Variants in ASB18 observed in about 807,000 individuals in gnomAD.
ASB18 encodes the protein ankyrin repeat and SOCS box containing 18.
Under a neutral mutation model 33.4 loss-of-function variants are expected in ASB18, and 33 were observed. The observed-to-expected ratio is 0.99, with a 90% confidence interval of 0.75 to 1.32. ASB18 has a LOEUF of 1.32. Ranked by LOEUF, ASB18 falls within the 40% of genes most tolerant of loss-of-function variation. ASB18 has a pLI of 0.00. For synonymous variants in ASB18, 295 were observed against 307.6 expected (o/e 0.96, Z 0.43); for missense variants, 694 against 655.5 (o/e 1.06, Z -0.64).
intron 4 of ASB18, chr2:236,210,229 A>G (rs75864383): frequency 7.9e-5 from 12 of 152,382 alleles, no homozygotes; most frequent in African/African-American, 2.9e-4. Context: ...GAATGAATAC[A>G]TAAGTACTAA....
Position 236,216,876 on chromosome 2 carries a change from T to C in ASB18, c.597-2010A>G, listed in dbSNP as rs1013268636. Among the ~76,000 whole-genome samples, 3 of 152,070 alleles carry C rather than the reference T, an allele frequency of 2.0e-5. No homozygotes were observed. The highest frequency in any genetic ancestry group is 7.2e-5 in the African/African-American group (3 of 41,414). Reference sequence around the variant, plus strand: ...CGGGTTCACCTCCTGAGGCGCCGCCTCTCCATGCTTCAATTCTGCCTGACC... The same window carrying C: ...CGGGTTCACCTCCTGAGGCGCCGCCCCTCCATGCTTCAATTCTGCCTGACC... On this transcript the variant is annotated intron_variant, in intron 3 of 5. Transcript: ENST00000409749. The surrounding 1 kb of genome is among the most constrained non-coding windows in gnomAD (Gnocchi z 6.1).
rs148040196 is a variant in ASB18 at position 236,194,068 on chromosome 2, T to TATGAATGAATGA, written c.*792_*803dup. Among the ~76,000 whole-genome samples, 2,466 of 151,822 alleles carry TATGAATGAATGA rather than the reference T, an allele frequency of 0.016. 72 individuals are homozygous for TATGAATGAATGA. Among genetic ancestry groups the TATGAATGAATGA allele is most frequent in the African/African-American group, 0.057 (2,360 of 41,152 alleles). ...CTGAACTAGAATAAGCACATTAGAA[T>TATGAATGAATGA]ATGAATGAATGAATGAATGAATGAA... On this transcript the variant is annotated 3_prime_UTR_variant, in exon 6 of 6. Coordinates refer to ENST00000409749, the MANE Select transcript of ASB18 (RefSeq NM_212556.4). The surrounding 1 kb of genome is among the most constrained non-coding windows in gnomAD (Gnocchi z 4.5).
intron 1 of ASB18, among the ~76,000 whole-genome samples, chr2:236,242,198 G>A (rs534229115): frequency 1.6e-4 from 24 of 152,252 alleles, no homozygotes; most frequent in Middle Eastern, 3.4e-3. Context: ...ACCCATGTGC[G>A]TCTGTCTCAA....
At chr2:236,230,100 T>G (rs1042054202) in intron 3 of ASB18, among the ~76,000 whole-genome samples, 1 of 152,046 alleles carries the variant, frequency 6.6e-6, no homozygotes, top group Non-Finnish European at 1.5e-5. Flanking sequence ...TTGTTATAAC[T>G]ATATTCCACC....
rs2106289028 is a variant in ASB18 at position 236,263,467 on chromosome 2, TGTG to T, written c.205+671_205+673del. Among the ~76,000 whole-genome samples the T allele has an allele frequency of 6.6e-6, 1 of 152,360 alleles. No homozygotes were observed. The highest frequency in any genetic ancestry group is 1.5e-5 in the Non-Finnish European group (1 of 68,042). The stretch of plus-strand genomic sequence containing the variant: ...TACCAGTGATGCTCCTTGGTGAGGT[TGTG>T]GTGAAACACATCACCTCACTGTCAG... On this transcript the variant is annotated intron_variant, in intron 1 of 5. Coordinates refer to ENST00000409749, the MANE Select transcript of ASB18 (RefSeq NM_212556.4). The surrounding 1 kb of genome is among the most constrained non-coding windows in gnomAD (Gnocchi z 4.0).
chr2:236,218,490 A>G (rs1480679535), intron 3 of ASB18, among the ~76,000 whole-genome samples: 2 of 152,242 alleles, frequency 1.3e-5, no homozygotes, highest in African/African-American at 4.8e-5. Flanking sequence ...AAATATATCT[A>G]TGCGTATATG....
At position 236,226,709 on chromosome 2, in the gene ASB18, T is replaced by C. The variant is rs2060541651; in HGVS notation, c.596+10980A>G. On this transcript the variant is annotated intron_variant, in intron 3 of 5. Transcript: ENST00000409749. This position sits in a 1 kb window ranked among gnomAD's most constrained non-coding sequence, Gnocchi z 4.8. ...TGCAATGATTCACAGCATTTTGTGT[T>C]TATTTTGTGCTATGATTGGGTGCTG... 6.6e-6 allele frequency among the ~76,000 whole-genome samples: 1 copy of C among 152,224 alleles called. No homozygotes were observed. Among genetic ancestry groups the C allele is most frequent in the Non-Finnish European group, 1.5e-5 (1 of 68,034 alleles).
Position 236,223,988 on chromosome 2 carries a change from G to A in ASB18, c.597-9122C>T, listed in dbSNP as rs1370668849. Among the ~76,000 whole-genome samples the A allele has an allele frequency of 2.6e-5, 4 of 151,984 alleles. No homozygotes were observed. The highest frequency in any genetic ancestry group is 2.1e-4 in the South Asian group (1 of 4,814). On this transcript the variant is annotated intron_variant, in intron 3 of 5. Transcript: ENST00000409749. The surrounding 1 kb of genome is among the most constrained non-coding windows in gnomAD (Gnocchi z 4.6). ...TATTATAAATAAAGCTTCTATGAAC[G>A]TTTTTGTATAAGTCTTCCTGGGGAC...
rs755303186 is a variant in ASB18, at chr2:236,259,964, T to C, written c.205+4177A>G. Among the ~76,000 whole-genome samples, 1 of 152,210 alleles carries C rather than the reference T, an allele frequency of 6.6e-6. No individual in the cohort carries two copies. Among genetic ancestry groups the C allele is most frequent in the African/African-American group, 2.4e-5 (1 of 41,460 alleles). ...CCTTTCCACCATTGGATGCCACTTT[T>C]TCTCTATGCTTTTTTTTGGTGATGT... On this transcript the variant is annotated intron_variant, in intron 1 of 5. Coordinates refer to ENST00000409749, the MANE Select transcript of ASB18 (RefSeq NM_212556.4). This position sits in a 1 kb window ranked among gnomAD's most constrained non-coding sequence, Gnocchi z 4.4.
chr2:236,194,744 G>A lies in ASB18; in HGVS notation c.*128C>T, dbSNP rs957082570. On this transcript the variant is annotated 3_prime_UTR_variant, in exon 6 of 6. Transcript: ENST00000409749. This position sits in a 1 kb window ranked among gnomAD's most constrained non-coding sequence, Gnocchi z 4.5. The stretch of plus-strand genomic sequence containing the variant: ...GCTTGGCAAGGTCTGTGCTTCACCC[G>A]GTCCCACGGAGAGCAAGTGGGAAGG... 7.7e-6 allele frequency: 6 copies of A among 775,718 alleles called. No homozygotes were observed. The highest frequency in any genetic ancestry group is 6.5e-5 in the South Asian group (3 of 46,318). The allele number at this position is 775,718 out of a possible 1,614,324, so 48.1% of individuals were successfully genotyped here.
chr2:236,202,528 A>G (rs976387067), intron 4 of ASB18, among the ~76,000 whole-genome samples: 2 of 151,984 alleles, frequency 1.3e-5, no homozygotes, highest in African/African-American at 4.8e-5. Flanking sequence ...ATAAAAAAAA[A>G]TATCAACCTA....
At position 236,200,751 on chromosome 2, in the gene ASB18, C is replaced by A. The variant is rs2060396940; in HGVS notation, c.1102-4366G>T. Among the ~76,000 whole-genome samples the A allele has an allele frequency of 6.6e-6, 1 of 152,152 alleles. No homozygotes were observed. Among genetic ancestry groups the A allele is most frequent in the African/African-American group, 2.4e-5 (1 of 41,454 alleles). ...CTTCACTCTATCGATGAATAAGCAC[C>A]CTTTTCTCATTTGAAATTCACTGTA... On this transcript the variant is annotated intron_variant, in intron 4 of 5. Transcript: ENST00000409749. The surrounding 1 kb of genome is among the most constrained non-coding windows in gnomAD (Gnocchi z 4.2).
rs2060500088 is a variant in ASB18 at position 236,219,035 on chromosome 2, A to G, written c.597-4169T>C. ...TAGCCGAGTGCCCCCATGCTTGGCT[A>G]ATTTTTTTTTGTTTTATTTTTGTAT... On this transcript the variant is annotated intron_variant, in intron 3 of 5. Transcript: ENST00000409749. This position sits in a 1 kb window ranked among gnomAD's most constrained non-coding sequence, Gnocchi z 6.4. Among the ~76,000 whole-genome samples the G allele has an allele frequency of 6.6e-6, 1 of 151,452 alleles. No homozygotes were observed.
At position 236,237,864 on chromosome 2, in the gene ASB18, C is replaced by G. The variant is rs986497503; in HGVS notation, c.421G>C (p.Gly141Arg). Residue 141 changes from glycine to arginine, a missense_variant, in exon 3 of 6, where the codon GGC becomes CGC. Coordinates refer to ENST00000409749, the MANE Select transcript of ASB18 (RefSeq NM_212556.4). The surrounding 1 kb of genome is among the most constrained non-coding windows in gnomAD (Gnocchi z 6.2). ...GHTACVRHLL[G>R]RGADPDASPG... ...CTGGCGTCTGGGTCTGCGCCGCGGC[C>G]GAGCAGGTGTCGCACGCAGGCGGTG... 2.0e-6 allele frequency: 3 copies of G among 1,468,322 alleles called. No homozygotes were observed. Among genetic ancestry groups the G allele is most frequent in the Admixed American group, 5.0e-5 (2 of 39,866 alleles). The allele number at this position is 1,468,322 out of a possible 1,614,324, so 91.0% of individuals were successfully genotyped here.
rs1157184692 is a variant in ASB18 at position 236,194,106 on chromosome 2, T to A, written c.*766A>T. On this transcript the variant is annotated 3_prime_UTR_variant, in exon 6 of 6. Coordinates refer to ENST00000409749, the MANE Select transcript of ASB18 (RefSeq NM_212556.4). This position sits in a 1 kb window ranked among gnomAD's most constrained non-coding sequence, Gnocchi z 4.5. Reference sequence around the variant, plus strand: ...ATGAATGAATGAATACAAATTATTGTAAAGTAAAAATTCATAAGGCATACA... The same window carrying A: ...ATGAATGAATGAATACAAATTATTGAAAAGTAAAAATTCATAAGGCATACA... Among the ~76,000 whole-genome samples, 2 of 149,720 alleles carry A rather than the reference T, an allele frequency of 1.3e-5. No individual in the cohort carries two copies. The highest frequency in any genetic ancestry group is 6.6e-5 in the Admixed American group (1 of 15,186).
Position 236,237,986 on chromosome 2 carries a change from A to G in ASB18, c.329-30T>C, listed in dbSNP as rs754932628. ...GGGGAGGGAGGTGGGATGTAAGGTC[A>G]GGGGGAGGTTAGTTGTGGTGGTGGT... On this transcript the variant is annotated intron_variant, in intron 2 of 5. Coordinates refer to ENST00000409749, the MANE Select transcript of ASB18 (RefSeq NM_212556.4). This position sits in a 1 kb window ranked among gnomAD's most constrained non-coding sequence, Gnocchi z 6.2. 3.5e-5 allele frequency: 51 copies of G among 1,455,092 alleles called. No homozygotes were observed. The South Asian group carries it at 6.8e-4, about 19-fold the overall frequency. 90.1% of individuals were successfully genotyped at this position (1,455,092 alleles called of 1,614,324 possible).
rs113291592 is a variant in ASB18 at position 236,247,280 on chromosome 2, AAAAC to A, written c.206-5882_206-5879del. The stretch of plus-strand genomic sequence containing the variant: ...ATAGCCACATGTTGATGATTACATT[AAAAC>A]AAACAAACCTGAAAACCAACTCATT... On this transcript the variant is annotated intron_variant, in intron 1 of 5. Coordinates refer to ENST00000409749, the MANE Select transcript of ASB18 (RefSeq NM_212556.4). The A allele has an allele frequency of 2.0e-5, 3 of 150,788 alleles. No homozygotes were observed. In the South Asian group the frequency reaches 6.3e-4, roughly 32 times the overall value. 9.3% of individuals were successfully genotyped at this position (150,788 alleles called of 1,614,324 possible).
chr2:236,220,113 T>C lies in ASB18; in HGVS notation c.597-5247A>G, dbSNP rs368209710. ...ACTTGAGCCAAAAGGCAGGAGTTAA[T>C]AGAGATGAACCCATCAAGGACTGTT... On this transcript the variant is annotated intron_variant, in intron 3 of 5. Coordinates refer to ENST00000409749, the MANE Select transcript of ASB18 (RefSeq NM_212556.4). This position sits in a 1 kb window ranked among gnomAD's most constrained non-coding sequence, Gnocchi z 5.1. Among the ~76,000 whole-genome samples, 1 of 152,162 alleles carries C rather than the reference T, an allele frequency of 6.6e-6. No homozygotes were observed. Among genetic ancestry groups the C allele is most frequent in the African/African-American group, 2.4e-5 (1 of 41,436 alleles).
Position 236,241,140 on chromosome 2 carries a change from A to C in ASB18, c.328+140T>G. The C allele has an allele frequency of 1.2e-6, 1 of 866,140 alleles. No homozygotes were observed. The highest frequency in any genetic ancestry group is 1.6e-5 in the South Asian group (1 of 61,400). The allele number at this position is 866,140 out of a possible 1,614,324, so 53.7% of individuals were successfully genotyped here. Reference sequence around the variant, plus strand: ...CTAAAACCTACACTTTACTGCGAGCAAACTTCATCAGATGTCCTTTTCTTG... The same window carrying C: ...CTAAAACCTACACTTTACTGCGAGCCAACTTCATCAGATGTCCTTTTCTTG... On this transcript the variant is annotated intron_variant, in intron 2 of 5. Coordinates refer to ENST00000409749, the MANE Select transcript of ASB18 (RefSeq NM_212556.4). The surrounding 1 kb of genome is among the most constrained non-coding windows in gnomAD (Gnocchi z 4.2).
Sources: gnomAD v4.1 joint callset for allele counts (sites outside exome capture counted in the v4.1 genomes callset) on GRCh38, gnomAD v4.1.1 for gene constraint, Gnocchi (gnomAD v3.1) non-coding constraint, MANE v1.5 for transcripts, NCBI Gene and HGNC (gene_info 2026-07-23, HGNC 2026-07-21) for gene names.